Variants in ZNF699 observed in about 807,000 individuals in gnomAD.
ZNF699 encodes the protein hangover homolog.
ZNF699 carries 18 observed loss-of-function variants against 22.5 expected under a neutral mutation model. The observed-to-expected ratio is 0.80, with a 90% CI of 0.55 to 1.19. The LOEUF (loss-of-function observed/expected upper bound fraction) is 1.19, where lower values mean the gene tolerates loss of function less well. ZNF699 is among the 50% of genes most tolerant of loss of function. The pLI is 0.00. For missense variants in ZNF699, 670 were observed against 763.4 expected, an observed-to-expected ratio of 0.88 and a Z score of 1.44; for synonymous variants, 241 against 262.3, an observed-to-expected ratio of 0.92 and a Z score of 0.78.
Position 9,295,435 on chromosome 19 carries a change from A to C in ZNF699, c.*40T>G, listed in dbSNP as rs762998592. 2 of 1,553,206 alleles carry C rather than the reference A, an allele frequency of 1.3e-6. No individual in the cohort carries two copies. The highest frequency in any genetic ancestry group is 1.7e-6 in the Non-Finnish European group (2 of 1,152,846). ...CAGTATGAGATCTCACATGTTGCCT[A>C]GGATCTGAAGCTTTGCAGACATTCC... is the stretch of plus-strand genomic sequence containing the variant. On this transcript the variant is annotated 3_prime_UTR_variant, in exon 6 of 6. Transcript: ENST00000591998.
chr19:9,296,162 A>G lies in ZNF699; in HGVS notation c.1242T>C (p.Thr414=), dbSNP rs1276381730. The G allele has an allele frequency of 6.2e-7, 1 of 1,613,824 alleles. No homozygotes were observed. The highest frequency in any genetic ancestry group is 1.3e-5 in the African/African-American group (1 of 74,868). ...SSLSIHMRKH[T]GEKPYECLEC... The stretch of plus-strand genomic sequence containing the variant: ...CCAGACATTCATACGGTTTTTCTCC[A>G]GTGTGTTTTCTCATATGGATACTTA... The change falls in exon 6 of 6, where the codon ACT becomes ACC. Residue 414 remains threonine (T), a synonymous_variant. Transcript: ENST00000591998.
intron 1 of ZNF699, among the ~76,000 whole-genome samples, chr19:9,306,870 C>G (rs1240834783): frequency 6.6e-6 from 1 of 152,190 alleles, no homozygotes; most frequent in East Asian, 1.9e-4. Context: ...GCCTAGAACC[C>G]TATTGGGCAC....
chr19:9,299,905 C>T (rs1047054655), intron 3 of ZNF699, among the ~76,000 whole-genome samples: 1 of 150,302 alleles, frequency 6.7e-6, no homozygotes, highest in Non-Finnish European at 1.5e-5. Flanking sequence ...AAGACCTTTA[C>T]AGACACCTCA....
intron 2 of ZNF699, 48 bp from the exon 3 acceptor site, chr19:9,302,552 G>A (rs2066311655): frequency 1.3e-6 from 2 of 1,543,028 alleles, no homozygotes; most frequent in African/African-American, 2.8e-5. Context: ...TTCCTCCAAT[G>A]TGTACAAGAG....
intron 3 of ZNF699, among the ~76,000 whole-genome samples, chr19:9,299,135 AT>A (rs1420002833): frequency 1.3e-5 from 2 of 151,936 alleles, no homozygotes; most frequent in African/African-American, 4.8e-5. Context: ...GACATTTTAA[AT>A]TTTTTTTCTT....
intron 1 of ZNF699, among the ~76,000 whole-genome samples, chr19:9,308,241 C>T (rs188751306): frequency 6.6e-6 from 1 of 152,026 alleles, no homozygotes; most frequent in Non-Finnish European, 1.5e-5. Context: ...TAGCTTCCCA[C>T]CAGCTGGGAC....
intron 3 of ZNF699, among the ~76,000 whole-genome samples, chr19:9,299,740 G>A (rs1459015746): frequency 6.6e-6 from 1 of 151,714 alleles, no homozygotes; most frequent in Non-Finnish European, 1.5e-5. Context: ...CAGCCTGGGA[G>A]AAAATATTTG....
At chr19:9,305,736 C>G (rs2066325436) in intron 1 of ZNF699, among the ~76,000 whole-genome samples, 1 of 151,616 alleles carries the variant, frequency 6.6e-6, no homozygotes, top group Admixed American at 6.6e-5. Context: ...GAGTCTTGCT[C>G]TGTCACCCAG....
chr19:9,304,530 C>T (rs542105928), intron 2 of ZNF699, among the ~76,000 whole-genome samples: 5 of 152,306 alleles, frequency 3.3e-5, no homozygotes, highest in African/African-American at 1.2e-4. Flanking sequence ...CAAGCTGCCA[C>T]TTGAATGCAT....
In ZNF699 at chr19:9,293,409, C is replaced by CT. The variant is rs1319724864; in HGVS notation, c.*2065_*2066insA. The stretch of plus-strand genomic sequence containing the variant: ...TACCAAAACTAAATTTAAAGTCTAC[C>CT]CTATGATTCAGTAAATTCATTCCTG... On this transcript the variant is annotated 3_prime_UTR_variant, in exon 6 of 6. Coordinates refer to ENST00000591998, the MANE Select transcript of ZNF699 (RefSeq NM_198535.3). Among the ~76,000 whole-genome samples the CT allele has an allele frequency of 6.6e-6, 1 of 152,080 alleles. No homozygotes were observed. Among genetic ancestry groups the CT allele is most frequent in the East Asian group, 1.9e-4 (1 of 5,200 alleles).
In ZNF699 at chr19:9,297,950, T is replaced by C; in HGVS notation, c.216A>G (p.Glu72=). 6.2e-7 allele frequency: 1 copy of C among 1,613,692 alleles called. No homozygotes were observed. Among genetic ancestry groups the C allele is most frequent in the Non-Finnish European group, 8.5e-7 (1 of 1,179,966 alleles). The part of the protein sequence containing the change: ...LHTPHLISQW[E]QEEDLQTVKR... ...TCACTGTCTGCAGGTCCTCCTCTTGTTCCCACTGGGAGATCAGATGGGGTG... is the reference window on the plus strand; with the variant it reads ...TCACTGTCTGCAGGTCCTCCTCTTGCTCCCACTGGGAGATCAGATGGGGTG... Residue 72 remains glutamate, a synonymous_variant, in exon 4 of 6, where the codon GAA becomes GAG. Coordinates refer to ENST00000591998, the MANE Select transcript of ZNF699 (RefSeq NM_198535.3). The surrounding 1 kb of genome is among the most constrained non-coding windows in gnomAD (Gnocchi z 4.3).
At position 9,292,822 on chromosome 19, in the gene ZNF699, A is replaced by T. The variant is rs919077257; in HGVS notation, c.*2653T>A. On this transcript the variant is annotated 3_prime_UTR_variant, in exon 6 of 6. Transcript: ENST00000591998. ...CAAGTAACCAGAAGGAAACCTTTCA[A>T]TTTTTTTTTTTTTTTAAAAAGGAAC... is the stretch of plus-strand genomic sequence containing the variant. Among the ~76,000 whole-genome samples, 1 of 147,826 alleles carries T rather than the reference A, an allele frequency of 6.8e-6. No individual in the cohort carries two copies. Among genetic ancestry groups the T allele is most frequent in the Non-Finnish European group, 1.5e-5 (1 of 66,938 alleles).
chr19:9,307,297 T>C (rs2066331063), intron 1 of ZNF699, among the ~76,000 whole-genome samples: 2 of 152,218 alleles, frequency 1.3e-5, no homozygotes, highest in South Asian at 4.1e-4. Context: ...TTATAGCCCT[T>C]ACCTCCTTCG....
chr19:9,293,187 C>CA lies in ZNF699; in HGVS notation c.*2287dup, dbSNP rs142715890. 0.03 allele frequency among the ~76,000 whole-genome samples: 3,942 copies of CA among 129,336 alleles called. 115 individuals carry two copies. Among genetic ancestry groups the CA allele is most frequent in the African/African-American group, 0.086 (3,117 of 36,292 alleles). 84.8% of individuals were successfully genotyped at this position (129,336 alleles called of 152,430 possible). A position where few individuals can be genotyped will look rare whatever the true frequency, so the allele number is the denominator to read the frequency against. Reference sequence around the variant, plus strand: ...GATGAAATGTTTCAACAGGTGCCCTCAAAAAAAAAAAAAATCCAAATAGCC... The same window carrying CA: ...GATGAAATGTTTCAACAGGTGCCCTCAAAAAAAAAAAAAAATCCAAATAGCC... On this transcript the variant is annotated 3_prime_UTR_variant, in exon 6 of 6. Transcript: ENST00000591998.
At position 9,294,213 on chromosome 19, in the gene ZNF699, GA is replaced by G. The variant is rs1417702792; in HGVS notation, c.*1261del. The G allele has an allele frequency of 1.3e-5, 2 of 152,252 alleles. No individual in the cohort carries two copies. Among genetic ancestry groups the G allele is most frequent in the Non-Finnish European group, 2.9e-5 (2 of 68,060 alleles). 9.4% of individuals were successfully genotyped at this position (152,252 alleles called of 1,614,324 possible). A position where few individuals can be genotyped will look rare whatever the true frequency, so the allele number is the denominator to read the frequency against. ...GAAGCTGTATCTGGTGATAGCTTTA[GA>G]GATGCTGCCTTGGAAGACACTGAGG... On this transcript the variant is annotated 3_prime_UTR_variant, in exon 6 of 6. Transcript: ENST00000591998.
In ZNF699 at chr19:9,295,834, T is replaced by TTCTGATATG; in HGVS notation, c.1561_1569dup (p.His521_Arg523dup). On this transcript the variant is annotated inframe_insertion, in exon 6 of 6. Coordinates refer to ENST00000591998, the MANE Select transcript of ZNF699 (RefSeq NM_198535.3). Reference sequence around the variant, plus strand: ...TCATAGGGTTTCTCTCCAGTGTGAGTTCTGATATGTACTGTAAGGTGGGAG... The same window carrying TTCTGATATG: ...TCATAGGGTTTCTCTCCAGTGTGAGTTCTGATATGTCTGATATGTACTGTAAGGTGGGAG... 1 of 1,614,190 alleles carries TTCTGATATG rather than the reference T, an allele frequency of 6.2e-7. No homozygotes were observed. The highest frequency in any genetic ancestry group is 8.5e-7 in the Non-Finnish European group (1 of 1,180,024).
chr19:9,301,023 G>A (rs2066305165), intron 3 of ZNF699, among the ~76,000 whole-genome samples: 1 of 152,092 alleles, frequency 6.6e-6, no homozygotes, highest in African/African-American at 2.4e-5. Context: ...TGTTATTAGA[G>A]GAGGCTATGC....
chr19:9,294,533 C>G lies in ZNF699; in HGVS notation c.*942G>C, dbSNP rs1332612539. On this transcript the variant is annotated 3_prime_UTR_variant, in exon 6 of 6. Transcript: ENST00000591998. ...TCACCAGGCCTTTATACATCTGTCT[C>G]TCTGTCTGATGGCCCCACTAAACAT... The G allele has an allele frequency of 1.3e-5, 2 of 152,206 alleles. No individual in the cohort carries two copies. Among genetic ancestry groups the G allele is most frequent in the Admixed American group, 6.5e-5 (1 of 15,276 alleles). 9.4% of individuals were successfully genotyped at this position (152,206 alleles called of 1,614,324 possible).
rs766790593 is a variant in ZNF699, at chr19:9,302,464, T to C, written c.89A>G (p.Gln30Arg). ...AAGATCCAGCAAAGCCCATTCCTCC[T>C]GGGTAAAGTCCACAGCCACATCCTC... ...VFEDVAVDFT[Q>R]EEWALLDLAQ... is the part of the protein sequence containing the mutation. The change falls in exon 3 of 6, where the codon CAG becomes CGG. Residue 30 changes from glutamine (Q) to arginine (R), a missense_variant. Gln to Arg is a conservative substitution (Grantham distance 43, BLOSUM62 1). Coordinates refer to ENST00000591998, the MANE Select transcript of ZNF699 (RefSeq NM_198535.3). 1.7e-5 allele frequency: 28 copies of C among 1,613,868 alleles called. No individual in the cohort carries two copies. Among genetic ancestry groups the C allele is most frequent in the Non-Finnish European group, 1.9e-5 (22 of 1,179,906 alleles).
Sources: gnomAD v4.1 joint callset for allele counts (sites outside exome capture counted in the v4.1 genomes callset) on GRCh38, gnomAD v4.1.1 for gene constraint, Gnocchi (gnomAD v3.1) non-coding constraint, MANE v1.5 for transcripts, NCBI Gene and HGNC (gene_info 2026-07-23, HGNC 2026-07-21) for gene names.